Variants in EMCN observed in about 807,000 individuals in gnomAD.
EMCN encodes the protein endomucin, also known as MUC-14.
Under a neutral mutation model 38.4 loss-of-function variants are expected in EMCN, and 37 were observed. That is an observed-to-expected ratio of 0.96 (90% CI 0.74 to 1.27). EMCN has a LOEUF of 1.27. Among genes scored for constraint, EMCN ranks in the 50% most tolerant of loss-of-function variants. EMCN has a pLI of 0.00. For missense variants in EMCN, 318 were observed against 302.8 expected (o/e 1.05, Z -0.37); for synonymous variants, 95 against 100.8 (o/e 0.94, Z 0.35).
chr4:100,501,200 T>C (rs1014373517), intron 1 of EMCN, among the ~76,000 whole-genome samples: 1 of 152,128 alleles, frequency 6.6e-6, no homozygotes, highest in African/African-American at 2.4e-5. Flanking sequence ...TTTAAGTCAA[T>C]GGTTCATCTG....
intron 4 of EMCN, among the ~76,000 whole-genome samples, chr4:100,464,884 T>C (rs1560626420): frequency 6.6e-6 from 1 of 152,064 alleles, no homozygotes; most frequent in Non-Finnish European, 1.5e-5. Context: ...CATTAGCCTC[T>C]GATAATTATT....
chr4:100,412,064 CAT>C (rs968072047), intron 10 of EMCN, among the ~76,000 whole-genome samples: 1 of 151,872 alleles, frequency 6.6e-6, no homozygotes, highest in Non-Finnish European at 1.5e-5. Flanking sequence ...TTGCTAATGA[CAT>C]ATTAATTATA....
Position 100,480,044 on chromosome 4 carries a change from A to G in EMCN, c.65-5T>C. 1 of 1,604,400 alleles carries G rather than the reference A, an allele frequency of 6.2e-7. No individual in the cohort carries two copies. Among genetic ancestry groups the G allele is most frequent in the Non-Finnish European group, 8.5e-7 (1 of 1,176,046 alleles). On this transcript the variant is annotated splice_polypyrimidine_tract_variant and splice_region_variant and intron_variant, in intron 1 of 11. Coordinates refer to ENST00000296420, the MANE Select transcript of EMCN (RefSeq NM_016242.4). ...TATTAGCTGCCTCTAAAACACCTGA[A>G]AAAAGTAAAGTAGTTGCATTAACAT...
chr4:100,404,037 G>A (rs1020677461), intron 11 of EMCN, among the ~76,000 whole-genome samples: 1 of 152,090 alleles, frequency 6.6e-6, no homozygotes, highest in African/African-American at 2.4e-5. Context: ...TTACTCTGTT[G>A]ATAGTTTCTT....
chr4:100,467,413 T>C (rs1476757574), intron 3 of EMCN, among the ~76,000 whole-genome samples: 5 of 152,026 alleles, frequency 3.3e-5, no homozygotes, highest in Non-Finnish European at 7.4e-5. Flanking sequence ...GCGCGGTGGC[T>C]CACGCCTGTA....
At chr4:100,425,931 T>C (rs2110222231) in intron 5 of EMCN, among the ~76,000 whole-genome samples, 1 of 152,228 alleles carries the variant, frequency 6.6e-6, no homozygotes, top group South Asian at 2.1e-4. Flanking sequence ...GTTATGATTA[T>C]TGAATTTGTG....
chr4:100,446,291 A>T (rs1165507130), intron 5 of EMCN: 6 of 738,546 alleles, frequency 8.1e-6, no homozygotes, highest in East Asian at 1.3e-4. Context: ...TTAATGAATT[A>T]AAAAAATGGT....
intron 10 of EMCN, among the ~76,000 whole-genome samples, chr4:100,415,673 CACAT>C (rs1380393000): frequency 3.3e-5 from 5 of 152,178 alleles, no homozygotes; most frequent in Non-Finnish European, 7.3e-5. Context: ...TACACATCCA[CACAT>C]CTATAGAAAG....
At chr4:100,490,871 G>A (rs1729060036) in intron 1 of EMCN, among the ~76,000 whole-genome samples, 1 of 152,096 alleles carries the variant, frequency 6.6e-6, no homozygotes, top group Non-Finnish European at 1.5e-5. Context: ...CAGGTATGAG[G>A]TGGTATCTCA....
chr4:100,457,973 C>T (rs775597383), intron 4 of EMCN, among the ~76,000 whole-genome samples: 13 of 151,892 alleles, frequency 8.6e-5, no homozygotes, highest in African/African-American at 1.2e-4. Flanking sequence ...GAAAATTACC[C>T]GGGCATGGTA....
At chr4:100,486,835 G>A (rs376650971) in intron 1 of EMCN, 15 of 984,592 alleles carry the variant, frequency 1.5e-5, no homozygotes, top group East Asian at 2.3e-4. Context: ...GGATGGAGGT[G>A]TACAAGGTAA....
intron 1 of EMCN, among the ~76,000 whole-genome samples, chr4:100,493,443 G>A (rs555818004): frequency 3.9e-5 from 6 of 152,256 alleles, no homozygotes; most frequent in African/African-American, 1.4e-4. Flanking sequence ...ATGGTTCTGT[G>A]GGCTCCACAT....
In EMCN at chr4:100,422,975, A is replaced by G. The variant is rs546000498; in HGVS notation, c.568+46T>C. On this transcript the variant is annotated intron_variant, in intron 7 of 11. Coordinates refer to ENST00000296420, the MANE Select transcript of EMCN (RefSeq NM_016242.4). ...TCTCCTTTACTGGTCACATTCAAAC[A>G]TTCTGCATATCTACTGCCATGAATG... The G allele has an allele frequency of 2.5e-4, 400 of 1,584,136 alleles. 2 individuals are homozygous for G. In the South Asian group the frequency reaches 4.4e-3, roughly 17 times the overall value.
intron 11 of EMCN, among the ~76,000 whole-genome samples, chr4:100,406,100 C>T (rs1013585402): frequency 1.5e-4 from 23 of 151,942 alleles, no homozygotes; most frequent in African/African-American, 5.1e-4. Context: ...ACTATCATTT[C>T]TGATAGTGTT....
intron 11 of EMCN, among the ~76,000 whole-genome samples, chr4:100,408,217 T>G (rs1292647886): frequency 2.6e-5 from 4 of 152,240 alleles, no homozygotes; most frequent in Non-Finnish European, 5.9e-5. Context: ...ATTCTATTTC[T>G]GTAATTTCAT....
At chr4:100,500,650 C>A (rs1729327264) in intron 1 of EMCN, among the ~76,000 whole-genome samples, 1 of 151,906 alleles carries the variant, frequency 6.6e-6, no homozygotes, top group African/African-American at 2.4e-5. Flanking sequence ...ATGTAAATGG[C>A]AACATATTGA....
intron 1 of EMCN, among the ~76,000 whole-genome samples, chr4:100,512,806 CA>C (rs201517827): frequency 0.11 from 8,759 of 83,386 alleles, 280 homozygotes; most frequent in Middle Eastern, 0.18. Context: ...AACTCCATCT[CA>C]AAAAAAAAAA....
At position 100,420,173 on chromosome 4, in the gene EMCN, C is replaced by T. The variant is rs372376112; in HGVS notation, c.664+1109G>A. On this transcript the variant is annotated intron_variant, in intron 8 of 11. Coordinates refer to ENST00000296420, the MANE Select transcript of EMCN (RefSeq NM_016242.4). ...TATATTAGGTAGCATGCAATGTGAA[C>T]AATATGTGATTTGTGACTTGGAAGG... is the stretch of plus-strand genomic sequence containing the variant. 3.3e-5 allele frequency among the ~76,000 whole-genome samples: 5 copies of T among 151,980 alleles called. No individual in the cohort carries two copies. The East Asian group carries it at 5.8e-4, about 18-fold the overall frequency.
At chr4:100,453,333 C>T (rs1727903585) in intron 4 of EMCN, among the ~76,000 whole-genome samples, 1 of 151,878 alleles carries the variant, frequency 6.6e-6, no homozygotes, top group Non-Finnish European at 1.5e-5. Context: ...AAGAAAAAAA[C>T]AAACAACCCC....
Sources: allele counts gnomAD v4.1 joint callset (sites outside exome capture counted in the v4.1 genomes callset), GRCh38; gene constraint gnomAD v4.1.1; transcripts MANE v1.5; gene names NCBI Gene and HGNC (gene_info 2026-07-23, HGNC 2026-07-21).